The following ALMS1 variants were observed in gnomAD, a reference collection of about 807,000 sequenced individuals.
ALMS1 encodes the protein ALMS1 centrosome and basal body associated protein, also known as centrosome-associated protein ALMS1.
Under a neutral mutation model 352.2 loss-of-function variants are expected in ALMS1, and 271 were observed. That is an observed-to-expected ratio of 0.77 (90% CI 0.70 to 0.85). The LOEUF (loss-of-function observed/expected upper bound fraction) is 0.85, where lower values mean the gene tolerates loss of function less well. ALMS1 is among the 40% of genes least tolerant of loss of function. The probability of loss-of-function intolerance (pLI) is 0.00; values close to 1 mark genes in which losing one functional copy is unlikely to be tolerated. For missense variants in ALMS1, 5,445 were observed against 4,870.7 expected, an observed-to-expected ratio of 1.12 and a Z score of -3.51; for synonymous variants, 1,865 against 1,761.2, an observed-to-expected ratio of 1.06 and a Z score of -1.48.
At chr2:73,403,991 C>T (rs1475274114) in intron 1 of ALMS1, among the ~76,000 whole-genome samples, 1 of 152,170 alleles carries the variant, frequency 6.6e-6, no homozygotes, top group African/African-American at 2.4e-5. Context: ...CCTCCACCTC[C>T]TGGGTTCAAG....
intron 2 of ALMS1, among the ~76,000 whole-genome samples, chr2:73,409,722 C>G (rs1195199443): frequency 2.0e-5 from 3 of 152,054 alleles, no homozygotes; most frequent in African/African-American, 4.8e-5. Flanking sequence ...ATACATCTAT[C>G]TATTTATACA....
chr2:73,559,165 G>A (rs751305879), intron 15 of ALMS1, 23 bp downstream of exon 15: 2 of 1,607,624 alleles, frequency 1.2e-6, no homozygotes, highest in South Asian at 2.2e-5. Context: ...GGTTGTGTAT[G>A]AGTGTGTGTG....
chr2:73,556,206 A>G (rs931164205), intron 13 of ALMS1, among the ~76,000 whole-genome samples: 1 of 152,188 alleles, frequency 6.6e-6, no homozygotes. Flanking sequence ...TTTTTTAATG[A>G]TCTAAAAATT....
In ALMS1 at chr2:73,426,515, G is replaced by T. The variant is rs1309739365; in HGVS notation, c.1300G>T (p.Val434Phe). The T allele has an allele frequency of 6.2e-7, 1 of 1,614,128 alleles. No individual in the cohort carries two copies. The highest frequency in any genetic ancestry group is 2.2e-5 in the East Asian group (1 of 44,884). The stretch of plus-strand genomic sequence containing the variant: ...TCTGGATGGCCTAAATGAAAATGCT[G>T]TTGTATGCAGTGAAAGAGTTGCTGA... ...ITLDGLNENA[V>F]VCSERVAELQ... Residue 434 changes from valine to phenylalanine, a missense_variant, in exon 6 of 23, where the codon GTT (valine) becomes TTT (phenylalanine). By Grantham distance (50) the Val-to-Phe change is conservative. Transcript: ENST00000613296.
chr2:73,485,178 GCT>G (rs1455412518), intron 9 of ALMS1, among the ~76,000 whole-genome samples: 5 of 152,194 alleles, frequency 3.3e-5, no homozygotes, highest in African/African-American at 9.7e-5. Flanking sequence ...CAGTTTTTCT[GCT>G]CTGTTTTTTC....
At chr2:73,468,923 C>A (rs909656684) in intron 9 of ALMS1, among the ~76,000 whole-genome samples, 3 of 151,864 alleles carry the variant, frequency 2.0e-5, no homozygotes, top group Non-Finnish European at 2.9e-5. Context: ...GTCCTCTACC[C>A]CACAGAAATG....
At chr2:73,580,161 G>A (rs973021537) in intron 16 of ALMS1, among the ~76,000 whole-genome samples, 1 of 152,008 alleles carries the variant, frequency 6.6e-6, no homozygotes, top group Non-Finnish European at 1.5e-5. Context: ...TCACTGCGGC[G>A]TCGAACTCTG....
At chr2:73,524,708 C>T (rs191914022) in intron 11 of ALMS1, among the ~76,000 whole-genome samples, 3 of 152,302 alleles carry the variant, frequency 2.0e-5, no homozygotes, top group Non-Finnish European at 1.5e-5. Context: ...CTGCATTGGC[C>T]TCCCAAAGTG....
At chr2:73,489,582 T>G in intron 9 of ALMS1, 52 bp from the exon 10 acceptor site, 2 of 1,602,880 alleles carry the variant, frequency 1.2e-6, no homozygotes, top group South Asian at 1.1e-5. Flanking sequence ...CTGATTTGTT[T>G]ATAACTACTT....
At chr2:73,497,396 C>A (rs1208462544) in intron 10 of ALMS1, among the ~76,000 whole-genome samples, 1 of 151,936 alleles carries the variant, frequency 6.6e-6, no homozygotes, top group Non-Finnish European at 1.5e-5. Flanking sequence ...GCACCCATCA[C>A]CCGAGTAGTA....
At chr2:73,549,281 A>T (rs971908546) in intron 12 of ALMS1, among the ~76,000 whole-genome samples, 1 of 152,216 alleles carries the variant, frequency 6.6e-6, no homozygotes, top group African/African-American at 2.4e-5. Context: ...AATACTTTCA[A>T]ATCTTTTACT....
intron 7 of ALMS1, among the ~76,000 whole-genome samples, chr2:73,439,568 G>A (rs993433737): frequency 7.2e-5 from 11 of 152,162 alleles, no homozygotes; most frequent in African/African-American, 2.7e-4. Flanking sequence ...TTGAGATGGA[G>A]TCTTGCTCTG....
intron 7 of ALMS1, among the ~76,000 whole-genome samples, chr2:73,440,578 C>T (rs1671699517): frequency 6.6e-6 from 1 of 151,400 alleles, no homozygotes; most frequent in South Asian, 2.1e-4. Flanking sequence ...CGTGTGCTAC[C>T]ACGCCCAGCT....
chr2:73,447,907 G>T, intron 7 of ALMS1, 53 bp from the exon 8 acceptor site: 3 of 1,515,210 alleles, frequency 2.0e-6, no homozygotes, highest in South Asian at 2.7e-5. Context: ...CCAGCACATA[G>T]AATTTTAAAA....
intron 10 of ALMS1, among the ~76,000 whole-genome samples, chr2:73,512,823 T>C (rs914081210): frequency 6.6e-6 from 1 of 152,192 alleles, no homozygotes; most frequent in Non-Finnish European, 1.5e-5. Context: ...GCTCATCTTA[T>C]ACTTTTCTTT....
Position 73,386,071 on chromosome 2 carries a change from TAGACGACGAGGA to T in ALMS1, c.204_215del (p.Ile68_Glu72delinsMet), listed in dbSNP as rs1558624811. 1 of 1,595,432 alleles carries T rather than the reference TAGACGACGAGGA, an allele frequency of 6.3e-7. No individual in the cohort carries two copies. The highest frequency in any genetic ancestry group is 8.5e-7 in the Non-Finnish European group (1 of 1,171,604). Reference sequence around the variant, plus strand: ...TACGGGCCCCAGCATCTGGAAAGTATAGACGACGAGGAGGACGAGGAGGCCAAGGCCTGGCTG... The same window carrying T: ...TACGGGCCCCAGCATCTGGAAAGTATGGACGAGGAGGCCAAGGCCTGGCTG... On this transcript the variant is annotated inframe_deletion, in exon 1 of 23. Transcript: ENST00000613296.
At chr2:73,515,351 G>C (rs577413621) in intron 10 of ALMS1, among the ~76,000 whole-genome samples, 49 of 151,820 alleles carry the variant, frequency 3.2e-4, no homozygotes, top group African/African-American at 1.1e-3. Context: ...CCATTTTGAA[G>C]TCTTTTTGTG....
intron 6 of ALMS1, among the ~76,000 whole-genome samples, chr2:73,427,620 A>G (rs1008134089): frequency 6.6e-6 from 1 of 151,994 alleles, no homozygotes; most frequent in Non-Finnish European, 1.5e-5. Flanking sequence ...TATTTCTCCT[A>G]ATGCTATCCC....
At chr2:73,406,432 A>G (rs555183785) in intron 1 of ALMS1, among the ~76,000 whole-genome samples, 2 of 103,740 alleles carry the variant, frequency 1.9e-5, no homozygotes, top group African/African-American at 3.8e-5. Flanking sequence ...TTTTAATCCT[A>G]TGGGTTTTTT....
Sources: allele counts gnomAD v4.1 joint callset (sites outside exome capture counted in the v4.1 genomes callset), GRCh38; gene constraint gnomAD v4.1.1; transcripts MANE v1.5; gene names NCBI Gene and HGNC (gene_info 2026-07-23, HGNC 2026-07-21).